The following CHAT variants were observed in gnomAD, a reference collection of about 807,000 sequenced individuals.
CHAT encodes acetyl CoA:choline O-acetyltransferase.
A neutral mutation model predicts 76.9 loss-of-function variants in CHAT; 61 were observed. That is an observed-to-expected ratio of 0.79 (90% CI 0.65 to 0.98). CHAT has a LOEUF of 0.98. CHAT is among the 50% of genes least tolerant of loss of function. The probability of loss-of-function intolerance (pLI) is 0.00; values close to 1 mark genes in which losing one functional copy is unlikely to be tolerated. For synonymous variants in CHAT, 407 were observed against 397.4 expected (o/e 1.02, Z -0.29); for missense variants, 946 against 986.9 (o/e 0.96, Z 0.56).
At chr10:49,651,423 C>T (rs1226469153) in intron 10 of CHAT, among the ~76,000 whole-genome samples, 1 of 152,202 alleles carries the variant, frequency 6.6e-6, no homozygotes, top group African/African-American at 2.4e-5. Flanking sequence ...GACACTGCTC[C>T]AGTGGGCAGT....
chr10:49,646,651 C>A lies in CHAT; in HGVS notation c.1258C>A (p.Arg420Ser). The A allele has an allele frequency of 6.2e-7, 1 of 1,613,940 alleles. No homozygotes were observed. Among genetic ancestry groups the A allele is most frequent in the East Asian group, 2.2e-5 (1 of 44,874 alleles). Reference protein sequence around the residue: ...GGGYSKNGANRWYDKSLQFVV... With the variant: ...GGGYSKNGANSWYDKSLQFVV... ...AGGCTACAGCAAGAACGGGGCCAATCGCTGGTACGACAAGTCCCTGCAGGT... is the reference window on the plus strand; with the variant it reads ...AGGCTACAGCAAGAACGGGGCCAATAGCTGGTACGACAAGTCCCTGCAGGT... The change falls in exon 8 of 15, where the codon CGC becomes AGC. Residue 420 changes from arginine to serine, a missense_variant. Around this residue, in one of 3 missense-constraint regions of CHAT, gnomAD observed 49 missense variants for 76.7 expected, o/e 0.64. Coordinates refer to ENST00000337653, the MANE Select transcript of CHAT (RefSeq NM_020549.5).
chr10:49,624,421 T>A (rs939809454), intron 5 of CHAT, among the ~76,000 whole-genome samples: 1 of 152,152 alleles, frequency 6.6e-6, no homozygotes, highest in African/African-American at 2.4e-5. Context: ...TGAGTTGCAG[T>A]GCTTTGGGAC....
chr10:49,619,996 G>A (rs1015988826), intron 3 of CHAT, 80 bp downstream of exon 3: 127 of 1,427,878 alleles, frequency 8.9e-5, no homozygotes, highest in Non-Finnish European at 1.2e-4. Flanking sequence ...TGAGAGGCAG[G>A]TAGGGGACAA....
chr10:49,651,782 G>A (rs1839887636), intron 10 of CHAT, 102 bp from the exon 11 acceptor site: 1 of 1,261,762 alleles, frequency 7.9e-7, no homozygotes, highest in East Asian at 2.5e-5. Flanking sequence ...GCACCTTCCA[G>A]AACGCTAGGA....
At chr10:49,658,203 G>A (rs1338056233) in intron 13 of CHAT, among the ~76,000 whole-genome samples, 2 of 152,070 alleles carry the variant, frequency 1.3e-5, no homozygotes, top group South Asian at 2.1e-4. Context: ...CCAACATGGT[G>A]AAACCCTGTC....
intron 13 of CHAT, among the ~76,000 whole-genome samples, chr10:49,657,519 C>T (rs918805903): frequency 6.6e-6 from 1 of 152,146 alleles, no homozygotes; most frequent in Non-Finnish European, 1.5e-5. Context: ...ACTAGCCCCC[C>T]TCCCCAGTGG....
upstream of CHAT, chr10:49,610,944 C>A (rs1412477833): frequency 6.2e-7 from 1 of 1,610,366 alleles, no homozygotes. Flanking sequence ...GCGGGGGCGG[C>A]GAGGGCCCCA....
At chr10:49,658,741 G>GA in intron 13 of CHAT, among the ~76,000 whole-genome samples, 2 of 152,206 alleles carry the variant, frequency 1.3e-5, no homozygotes, top group Middle Eastern at 6.8e-3. Context: ...AACTTGAAAT[G>GA]AAAAAAGTAC....
chr10:49,652,579 G>A (rs558488513), intron 11 of CHAT, among the ~76,000 whole-genome samples: 3 of 152,236 alleles, frequency 2.0e-5, no homozygotes, highest in East Asian at 1.9e-4. Context: ...CTTAGCCAAC[G>A]GCAGCACTTC....
At position 49,664,822 on chromosome 10, in the gene CHAT, C is replaced by G. The variant is rs1590630744; in HGVS notation, c.2023C>G (p.Pro675Ala). The G allele has an allele frequency of 6.2e-7, 1 of 1,614,178 alleles. No individual in the cohort carries two copies. The change falls in exon 15 of 15, where the codon CCA (proline) becomes GCA (alanine). Residue 675 changes from proline (P) to alanine (A), a missense_variant. Physicochemically the swap from Pro to Ala is conservative, Grantham distance 27. Transcript: ENST00000337653. Reference sequence around the variant, plus strand: ...GTTCTGCTGCTATGGTCCTGTGGTCCCAAATGGGTATGGTGCCTGCTACAA... The same window carrying G: ...GTTCTGCTGCTATGGTCCTGTGGTCGCAAATGGGTATGGTGCCTGCTACAA... ...EMFCCYGPVV[P>A]NGYGACYNPQ...
At position 49,665,243 on chromosome 10, in the gene CHAT, T is replaced by A; in HGVS notation, c.*197T>A. 1.5e-6 allele frequency: 1 copy of A among 678,688 alleles called. No homozygotes were observed. Among genetic ancestry groups the A allele is most frequent in the Non-Finnish European group, 2.5e-6 (1 of 394,236 alleles). The allele number at this position is 678,688 out of a possible 1,614,324, so 42.0% of individuals were successfully genotyped here. ...CCTCTTCATGCATGGGAATCATCAT[T>A]TTCAAGGTGGCTTTGGGCCTGCACA... On this transcript the variant is annotated 3_prime_UTR_variant, in exon 15 of 15. Coordinates refer to ENST00000337653, the MANE Select transcript of CHAT (RefSeq NM_020549.5).
upstream of CHAT, chr10:49,610,648 C>CT: frequency 6.1e-6 from 8 of 1,301,976 alleles, no homozygotes; most frequent in Non-Finnish European, 8.1e-6. Context: ...CCAGGACAGC[C>CT]TCCCCGAAGT....
chr10:49,615,943 G>T, intron 1 of CHAT: 1 of 1,255,150 alleles, frequency 8.0e-7, no homozygotes, highest in Admixed American at 1.7e-5. Context: ...CTCCCAATTA[G>T]CCCAGATGCA....
upstream of CHAT, chr10:49,610,475 C>G (rs1838259939): frequency 2.5e-6 from 1 of 397,032 alleles, no homozygotes; most frequent in Admixed American, 4.5e-5. Flanking sequence ...GGCCCCGGCC[C>G]CTCGGCGCGC....
intron 9 of CHAT, 62 bp downstream of exon 9, chr10:49,648,669 C>A: frequency 9.8e-7 from 1 of 1,025,540 alleles, no homozygotes; most frequent in Non-Finnish European, 1.5e-6. Context: ...TCGCTGGGGG[C>A]TGTGTCAGTC....
At chr10:49,633,558 G>A (rs982129311) in intron 7 of CHAT, among the ~76,000 whole-genome samples, 1 of 152,170 alleles carries the variant, frequency 6.6e-6, no homozygotes. Flanking sequence ...ACAGGCTTGG[G>A]GCCTCAGAGG....
At chr10:49,614,542 T>A in intron 1 of CHAT, 67 bp downstream of exon 1, 2 of 1,327,488 alleles carry the variant, frequency 1.5e-6, no homozygotes, top group Non-Finnish European at 2.1e-6. Context: ...GGTCGGGGGC[T>A]CTATCCAGGG....
In CHAT at chr10:49,646,618, C is replaced by T; in HGVS notation, c.1225C>T (p.His409Tyr). The T allele has an allele frequency of 3.7e-6, 6 of 1,614,212 alleles. No homozygotes were observed. The highest frequency in any genetic ancestry group is 5.1e-6 in the Non-Finnish European group (6 of 1,180,042). ...SDTHRALQLL[H>Y]GGGYSKNGAN... ...CACCCACAGGGCACTCCAGCTCCTT[C>T]ACGGCGGAGGCTACAGCAAGAACGG... Residue 409 changes from histidine (H) to tyrosine (Y), a missense_variant, in exon 8 of 15, where the codon CAC (histidine) becomes TAC (tyrosine). His to Tyr is a moderately conservative substitution (Grantham distance 83). This residue lies in a region of CHAT where 49 missense variants were observed against 76.7 expected (regional missense o/e 0.64). Transcript: ENST00000337653.
intron 1 of CHAT, chr10:49,615,775 A>G (rs1838467278): frequency 1.9e-6 from 1 of 539,694 alleles, no homozygotes; most frequent in Non-Finnish European, 3.3e-6. Flanking sequence ...CCCCAGACTA[A>G]GGCAGGTGGC....
Sources: gnomAD v4.1 joint callset for allele counts (sites outside exome capture counted in the v4.1 genomes callset) on GRCh38, gnomAD v4.1.1 for gene constraint, gnomAD v4.1.1 regional missense constraint, MANE v1.5 for transcripts, NCBI Gene and HGNC (gene_info 2026-07-23, HGNC 2026-07-21) for gene names.